FREM1: variants seen among roughly 807,000 people sequenced by gnomAD.
FREM1 encodes the protein FRAS1 related extracellular matrix 1, also known as FRAS1-related extracellular matrix protein 1.
In FREM1, 220 loss-of-function variants were observed where a neutral mutation model predicts 210.1. That is an observed-to-expected ratio of 1.05 (90% CI 0.94 to 1.17). FREM1 has a LOEUF of 1.17. FREM1 is among the 50% of genes most tolerant of loss of function. The pLI is 0.00. For synonymous variants in FREM1, 1,189 were observed against 980.2 expected (o/e 1.21, Z -3.98); for missense variants, 3,454 against 2,675.5 (o/e 1.29, Z -6.42).
At chr9:14,849,421 G>C (rs1827258311) in intron 6 of FREM1, among the ~76,000 whole-genome samples, 1 of 152,098 alleles carries the variant, frequency 6.6e-6, no homozygotes, top group African/African-American at 2.4e-5. Context: ...AGTAAGTAGG[G>C]GCTGCGTGAT....
chr9:14,798,836 GC>G (rs1852942423), intron 20 of FREM1, among the ~76,000 whole-genome samples: 1 of 151,950 alleles, frequency 6.6e-6, no homozygotes, highest in African/African-American at 2.4e-5. Flanking sequence ...ACCACACCTG[GC>G]TAATTTTTGT....
At chr9:14,787,192 T>C (rs751608940) in intron 23 of FREM1, among the ~76,000 whole-genome samples, 1 of 152,220 alleles carries the variant, frequency 6.6e-6, no homozygotes, top group Non-Finnish European at 1.5e-5. Flanking sequence ...CTCTTTAGTA[T>C]AGTCTTGTTT....
chr9:14,841,550 T>C lies in FREM1; in HGVS notation c.1778A>G (p.Asn593Ser). Residue 593 changes from asparagine to serine, a missense_variant, in exon 10 of 37, where the codon AAT (asparagine) becomes AGT (serine). Transcript: ENST00000380880. ...AAAATGACGATAATAAATGATTCCA[T>C]TAAACAAATCCCTCTGAAGGAAGCC... ...VHGFLQRDLFNGIIYYRHFGG... is the reference protein window; with the variant it reads ...VHGFLQRDLFSGIIYYRHFGG... 1.2e-6 allele frequency: 2 copies of C among 1,612,020 alleles called. No individual in the cohort carries two copies. The highest frequency in any genetic ancestry group is 1.7e-6 in the Non-Finnish European group (2 of 1,178,514).
intron 19 of FREM1, among the ~76,000 whole-genome samples, chr9:14,803,519 G>C (rs1467020205): frequency 6.6e-6 from 1 of 151,814 alleles, no homozygotes; most frequent in African/African-American, 2.4e-5. Flanking sequence ...TCACCAGCCT[G>C]GCTAATTTTT....
intron 24 of FREM1, among the ~76,000 whole-genome samples, chr9:14,780,456 G>T (rs1294380629): frequency 1.2e-5 from 1 of 86,502 alleles, no homozygotes; most frequent in African/African-American, 3.9e-5. Context: ...AAAAAGTCCA[G>T]CCGGCATGTC....
chr9:14,856,695 T>C (rs1000044859), intron 5 of FREM1, among the ~76,000 whole-genome samples: 2 of 151,808 alleles, frequency 1.3e-5, no homozygotes, highest in African/African-American at 4.8e-5. Flanking sequence ...TGGCCGGGCG[T>C]GGTGGCAGGC....
intron 23 of FREM1, among the ~76,000 whole-genome samples, chr9:14,786,357 A>C (rs1339435699): frequency 6.6e-6 from 1 of 152,222 alleles, no homozygotes; most frequent in African/African-American, 2.4e-5. Context: ...ATATCCAAAA[A>C]GAAAAACACG....
intron 1 of FREM1, among the ~76,000 whole-genome samples, chr9:14,906,555 A>C (rs1056238213): frequency 1.3e-5 from 2 of 152,258 alleles, no homozygotes; most frequent in African/African-American, 4.8e-5. Flanking sequence ...ACGCCTAACA[A>C]ATTTTAAATA....
chr9:14,789,135 T>C, intron 22 of FREM1, 21 bp from the exon 23 acceptor site: 1 of 1,521,916 alleles, frequency 6.6e-7, no homozygotes, highest in Non-Finnish European at 8.9e-7. Flanking sequence ...CCAGAGTTAG[T>C]CAGCTGCTCA....
chr9:14,819,815 A>T (rs10961730), intron 13 of FREM1, among the ~76,000 whole-genome samples: 1 of 152,126 alleles, frequency 6.6e-6, no homozygotes, highest in East Asian at 1.9e-4. Flanking sequence ...CATACAGCTT[A>T]GTCTAAAAAA....
At chr9:14,822,641 T>C (rs1192762184) in intron 13 of FREM1, among the ~76,000 whole-genome samples, 1 of 152,100 alleles carries the variant, frequency 6.6e-6, no homozygotes, top group African/African-American at 2.4e-5. Flanking sequence ...ATGCACAAGG[T>C]AGCAATGCCT....
At chr9:14,832,161 A>C (rs987800180) in intron 10 of FREM1, among the ~76,000 whole-genome samples, 4 of 152,176 alleles carry the variant, frequency 2.6e-5, no homozygotes, top group Non-Finnish European at 4.4e-5. Flanking sequence ...AGGCCCAGGG[A>C]AAACAGTTTC....
chr9:14,787,195 T>C (rs1239627399), intron 23 of FREM1, among the ~76,000 whole-genome samples: 1 of 152,198 alleles, frequency 6.6e-6, no homozygotes, highest in East Asian at 1.9e-4. Flanking sequence ...TTTAGTATAG[T>C]CTTGTTTAGA....
intron 10 of FREM1, among the ~76,000 whole-genome samples, chr9:14,828,766 A>G (rs563429095): frequency 6.6e-6 from 1 of 152,186 alleles, no homozygotes; most frequent in East Asian, 1.9e-4. Flanking sequence ...AAACTTAGAC[A>G]TCCCTCAACT....
chr9:14,883,994 C>T (rs1482112828), intron 1 of FREM1, among the ~76,000 whole-genome samples: 1 of 152,120 alleles, frequency 6.6e-6, no homozygotes, highest in African/African-American at 2.4e-5. Flanking sequence ...TTTGGGAGGC[C>T]CAGGCAGGCG....
At chr9:14,816,426 G>T (rs1427969392) in intron 15 of FREM1, among the ~76,000 whole-genome samples, 1 of 152,100 alleles carries the variant, frequency 6.6e-6, no homozygotes, top group Non-Finnish European at 1.5e-5. Flanking sequence ...TGATTGCTAT[G>T]ATTTTAATGT....
intron 10 of FREM1, among the ~76,000 whole-genome samples, chr9:14,825,561 A>ATG (rs1554685341): frequency 3.1e-5 from 4 of 129,262 alleles, no homozygotes; most frequent in African/African-American, 1.2e-4. Flanking sequence ...ATATATATAT[A>ATG]TATATATATA....
chr9:14,746,898 C>T (rs1168873455), intron 34 of FREM1, 25 bp downstream of exon 34: 4 of 1,609,144 alleles, frequency 2.5e-6, no homozygotes, highest in East Asian at 2.2e-5. Flanking sequence ...AATAAAGGTG[C>T]TTGGCTGCTC....
At chr9:14,775,508 C>G (rs1005373629) in intron 25 of FREM1, among the ~76,000 whole-genome samples, 1 of 151,934 alleles carries the variant, frequency 6.6e-6, no homozygotes. Flanking sequence ...GAGTTCGCCA[C>G]CAGCCTGACT....
Sources: allele counts gnomAD v4.1 joint callset (sites outside exome capture counted in the v4.1 genomes callset), GRCh38; gene constraint gnomAD v4.1.1; transcripts MANE v1.5; gene names NCBI Gene and HGNC (gene_info 2026-07-23, HGNC 2026-07-21).